PNLDC1: variants seen among roughly 807,000 people sequenced by gnomAD.
The protein encoded by PNLDC1 is poly(A)-specific ribonuclease PNLDC1.
A neutral mutation model predicts 82.0 loss-of-function variants in PNLDC1; 70 were observed. That is an observed-to-expected ratio of 0.85 (90% CI 0.70 to 1.04). PNLDC1 has a LOEUF of 1.04. PNLDC1 is among the 50% of genes least tolerant of loss of function. The pLI, the probability that PNLDC1 is intolerant of heterozygous loss-of-function variation, is 0.00. For missense variants in PNLDC1, 631 were observed against 661.1 expected (o/e 0.95, Z 0.50); for synonymous variants, 280 against 249.3 (o/e 1.12, Z -1.16).
chr6:159,806,888 C>CTTTTTT (rs34866272), intron 7 of PNLDC1, among the ~76,000 whole-genome samples: 2 of 107,758 alleles, frequency 1.9e-5, no homozygotes, highest in African/African-American at 3.3e-5. Context: ...AATTAGCTGC[C>CTTTTTT]TTTTTTTTTT....
rs543945762 is a variant in PNLDC1 at position 159,801,103 on chromosome 6, T to A, written c.135-10T>A. On this transcript the variant is annotated splice_polypyrimidine_tract_variant and intron_variant, in intron 2 of 18. Transcript: ENST00000392167. ...ATTGCTCGTGGAATGAGATGCCTGT[T>A]TGTTCACAGTCTTTTTGATTTGCCA... 31 of 1,614,080 alleles carry A rather than the reference T, an allele frequency of 1.9e-5. No individual in the cohort carries two copies. In the South Asian group the frequency reaches 3.3e-4, roughly 17 times the overall value.
At chr6:159,814,769 G>T (rs1434695738) in intron 12 of PNLDC1, among the ~76,000 whole-genome samples, 3 of 152,132 alleles carry the variant, frequency 2.0e-5, no homozygotes, top group Non-Finnish European at 4.4e-5. Flanking sequence ...ATCTCTCTGT[G>T]CCTCAGTTTA....
At position 159,809,075 on chromosome 6, in the gene PNLDC1, C is replaced by G. The variant is rs1227039540; in HGVS notation, c.700C>G (p.Arg234Gly). Residue 234 changes from arginine (R) to glycine (G), a missense_variant, in exon 9 of 19, where the codon CGA (arginine) becomes GGA (glycine). By Grantham distance (125) the Arg-to-Gly change is moderately radical. Coordinates refer to ENST00000392167, the MANE Select transcript of PNLDC1 (RefSeq NM_001271862.2). ...GTATCTTCAGAACACCTCTTGTGACCGAGAGAGCTGTTGGAAGGAAAATAT... is the reference window on the plus strand; with the variant it reads ...GTATCTTCAGAACACCTCTTGTGACGGAGAGAGCTGTTGGAAGGAAAATAT... ...RWYLQNTSCD[R>G]ESCWKENILL... The G allele has an allele frequency of 6.2e-7, 1 of 1,613,874 alleles. No homozygotes were observed. The highest frequency in any genetic ancestry group is 8.5e-7 in the Non-Finnish European group (1 of 1,180,000).
intron 10 of PNLDC1, among the ~76,000 whole-genome samples, chr6:159,810,777 A>G (rs932200397): frequency 1.3e-5 from 2 of 152,374 alleles, no homozygotes; most frequent in Middle Eastern, 3.4e-3. Flanking sequence ...AAAGAACACT[A>G]GTCTAGATTA....
rs944569142 is a variant in PNLDC1, at chr6:159,800,290, C to A, written c.-18C>A. 12 of 1,543,092 alleles carry A rather than the reference C, an allele frequency of 7.8e-6. No homozygotes were observed. Among genetic ancestry groups the A allele is most frequent in the Non-Finnish European group, 8.8e-6 (10 of 1,142,842 alleles). On this transcript the variant is annotated 5_prime_UTR_variant, in exon 1 of 19. Transcript: ENST00000392167. ...CAGCACGTGATAGCGCTGGGCGACT[C>A]CGCGGAGCTGCACGGCCATGGACGT...
intron 3 of PNLDC1, 144 bp downstream of exon 3, chr6:159,801,330 A>G (rs537231012): frequency 1.7e-4 from 137 of 811,372 alleles, no homozygotes; most frequent in Non-Finnish European, 2.7e-4. Flanking sequence ...CATTGTATAC[A>G]TATGGAAATC....
intron 7 of PNLDC1, 117 bp downstream of exon 7, chr6:159,806,200 G>A (rs1781440655): frequency 5.3e-6 from 4 of 758,906 alleles, no homozygotes; most frequent in Non-Finnish European, 9.3e-6. Flanking sequence ...CCTCATGACT[G>A]AGTCTGATGC....
chr6:159,814,045 G>GGGTGTCTCC (rs1255480446), intron 12 of PNLDC1, among the ~76,000 whole-genome samples: 2 of 152,036 alleles, frequency 1.3e-5, no homozygotes, highest in African/African-American at 4.8e-5. Flanking sequence ...GCCCCTTCCC[G>GGGTGTCTCC]GGGTGTCTCC....
In PNLDC1 at chr6:159,801,046, C is replaced by G. The variant is rs1208805957; in HGVS notation, c.135-67C>G. The G allele has an allele frequency of 3.2e-6, 5 of 1,552,442 alleles. No homozygotes were observed. In the Admixed American group the frequency reaches 5.0e-5, roughly 16 times the overall value. Reference sequence around the variant, plus strand: ...TCCCCGGTTGCGAGTGGTGGTCCTGCCGCGGAGGCCATAGTGCCGGGATGG... The same window carrying G: ...TCCCCGGTTGCGAGTGGTGGTCCTGGCGCGGAGGCCATAGTGCCGGGATGG... On this transcript the variant is annotated intron_variant, in intron 2 of 18. Transcript: ENST00000392167.
At chr6:159,807,693 A>G (rs1307199921) in intron 7 of PNLDC1, among the ~76,000 whole-genome samples, 1 of 152,246 alleles carries the variant, frequency 6.6e-6, no homozygotes, top group African/African-American at 2.4e-5. Flanking sequence ...TATCTCATAG[A>G]TAAGAGATCT....
Position 159,810,162 on chromosome 6 carries a change from C to T in PNLDC1, c.853+67C>T, listed in dbSNP as rs2115042686. ...GCCATCTGGCAGAGGGATTGGTACA[C>T]AATCATACCCCTGAGGCAGCTCCTA... is the stretch of plus-strand genomic sequence containing the variant. On this transcript the variant is annotated intron_variant, in intron 10 of 18. Coordinates refer to ENST00000392167, the MANE Select transcript of PNLDC1 (RefSeq NM_001271862.2). 2.8e-6 allele frequency: 4 copies of T among 1,418,274 alleles called. No individual in the cohort carries two copies. The South Asian group carries it at 4.6e-5, about 16-fold the overall frequency. 87.9% of individuals were successfully genotyped at this position (1,418,274 alleles called of 1,614,324 possible).
At chr6:159,800,054 TTGC>T (rs1781175541), upstream of PNLDC1, among the ~76,000 whole-genome samples, 1 of 152,176 alleles carries the variant, frequency 6.6e-6, no homozygotes, top group Non-Finnish European at 1.5e-5. Flanking sequence ...TGCAAAGAAA[TTGC>T]TGAGGAGCCA....
intron 3 of PNLDC1, among the ~76,000 whole-genome samples, chr6:159,802,803 G>A (rs1236381152): frequency 6.6e-6 from 1 of 151,862 alleles, no homozygotes; most frequent in Non-Finnish European, 1.5e-5. Flanking sequence ...GGCTGGTCTC[G>A]AATTCCTGAC....
intron 18 of PNLDC1, 46 bp from the exon 19 acceptor site, chr6:159,820,408 G>A (rs7775650): frequency 3.5e-5 from 56 of 1,603,136 alleles, no homozygotes; most frequent in Non-Finnish European, 4.2e-5. Flanking sequence ...GGTGCCTCTC[G>A]GCCTGCTGGG....
intron 10 of PNLDC1, among the ~76,000 whole-genome samples, chr6:159,811,047 A>G (rs1781629631): frequency 6.6e-6 from 1 of 152,234 alleles, no homozygotes; most frequent in Non-Finnish European, 1.5e-5. Context: ...GAGAGGGGTC[A>G]TCACCCTCTC....
Position 159,815,131 on chromosome 6 carries a change from A to T in PNLDC1, c.996-838A>T, listed in dbSNP as rs536293232. 3.9e-5 allele frequency among the ~76,000 whole-genome samples: 6 copies of T among 152,338 alleles called. No individual in the cohort carries two copies. In the East Asian group the frequency reaches 1.2e-3, roughly 29 times the overall value. On this transcript the variant is annotated intron_variant, in intron 12 of 18. Transcript: ENST00000392167. Reference sequence around the variant, plus strand: ...GGGGTCACAGAGCTGAGTTGCTCACATCTGTTGAGTCAAGTTTTATGGACT... The same window carrying T: ...GGGGTCACAGAGCTGAGTTGCTCACTTCTGTTGAGTCAAGTTTTATGGACT...
rs1371100968 is a variant in PNLDC1, at chr6:159,816,613, C to A, written c.1114+17C>A. On this transcript the variant is annotated intron_variant, in intron 14 of 18. Coordinates refer to ENST00000392167, the MANE Select transcript of PNLDC1 (RefSeq NM_001271862.2). ...GTGGGTCAGGTAAGGATTGCGGTTC[C>A]TTTAAAAGGAAACTCACTTTTTTTT... is the stretch of plus-strand genomic sequence containing the variant. 1 of 1,599,874 alleles carries A rather than the reference C, an allele frequency of 6.3e-7. No homozygotes were observed. The highest frequency in any genetic ancestry group is 1.7e-5 in the Admixed American group (1 of 58,698).
At position 159,800,798 on chromosome 6, in the gene PNLDC1, C is replaced by T. The variant is rs1401760723; in HGVS notation, c.103C>T (p.Arg35Cys). The change falls in exon 2 of 19, where the codon CGT becomes TGT. Residue 35 changes from arginine (R) to cysteine (C), a missense_variant. Transcript: ENST00000392167. The stretch of plus-strand genomic sequence containing the variant: ...TCTGGACATAGAGTTCACGGGCCTT[C>T]GTTCTAACCTGTCTGGGCCCCAGCA... ...VGLDIEFTGL[R>C]SNLSGPQQIS... 1 of 1,614,182 alleles carries T rather than the reference C, an allele frequency of 6.2e-7. No homozygotes were observed. The highest frequency in any genetic ancestry group is 2.2e-5 in the East Asian group (1 of 44,880).
At chr6:159,813,431 C>T (rs1781708252) in intron 11 of PNLDC1, among the ~76,000 whole-genome samples, 170 bp from the exon 12 acceptor site, 1 of 152,116 alleles carries the variant, frequency 6.6e-6, no homozygotes, top group African/African-American at 2.4e-5. Context: ...ATACTGCGTA[C>T]CCTGACATCC....
Sources: allele counts gnomAD v4.1 joint callset (sites outside exome capture counted in the v4.1 genomes callset), GRCh38; gene constraint gnomAD v4.1.1; transcripts MANE v1.5; gene names NCBI Gene and HGNC (gene_info 2026-07-23, HGNC 2026-07-21).